LY75: variants seen among roughly 807,000 people sequenced by gnomAD.
LY75 encodes lymphocyte antigen 75.
LY75 carries 185 observed loss-of-function variants against 231.7 expected under a neutral mutation model. That is an observed-to-expected ratio of 0.80 (90% CI 0.71 to 0.90). The LOEUF is 0.90. LY75 is among the 40% of genes least tolerant of loss of function. The pLI is 0.00. For synonymous variants in LY75, 668 were observed against 689.0 expected, an observed-to-expected ratio of 0.97 and a Z score of 0.48; for missense variants, 1,947 against 2,050.2, an observed-to-expected ratio of 0.95 and a Z score of 0.97.
intron 33 of LY75, 172 bp downstream of exon 33, chr2:159,808,277 C>G (rs1027211333): frequency 1.2e-6 from 1 of 805,554 alleles, no homozygotes; most frequent in African/African-American, 1.9e-5. Context: ...TAAGTTAACT[C>G]ATGGATTCAT....
intron 15 of LY75, among the ~76,000 whole-genome samples, chr2:159,858,921 T>C (rs1012111738): frequency 6.6e-6 from 1 of 152,098 alleles, no homozygotes; most frequent in African/African-American, 2.4e-5. Context: ...AGTCAGCAAG[T>C]AGGATAAAAA....
intron 1 of LY75, among the ~76,000 whole-genome samples, chr2:159,899,271 G>A (rs375055123): frequency 1.3e-5 from 2 of 152,156 alleles, no homozygotes; most frequent in African/African-American, 4.8e-5. Flanking sequence ...GAGCCAGTCC[G>A]CCTGGGTCCA....
intron 22 of LY75, 47 bp downstream of exon 22, chr2:159,850,315 C>T (rs916466749): frequency 1.9e-6 from 3 of 1,602,468 alleles, no homozygotes; most frequent in African/African-American, 2.7e-5. Context: ...TAAAACTAAC[C>T]TGGCCCCAGA....
At chr2:159,893,617 G>A (rs931789747) in intron 3 of LY75, among the ~76,000 whole-genome samples, 2 of 152,024 alleles carry the variant, frequency 1.3e-5, no homozygotes, top group Admixed American at 6.6e-5. Flanking sequence ...AACTACTAAA[G>A]GTCAGCAGCA....
intron 3 of LY75, 48 bp from the exon 4 acceptor site, chr2:159,890,425 T>G (rs373673532): frequency 2.6e-4 from 421 of 1,605,310 alleles, no homozygotes; most frequent in Non-Finnish European, 3.4e-4. Flanking sequence ...ACATAATGTT[T>G]TCTATTACTT....
intron 14 of LY75, among the ~76,000 whole-genome samples, chr2:159,864,352 C>G (rs1307491632): frequency 6.6e-6 from 1 of 152,046 alleles, no homozygotes; most frequent in Non-Finnish European, 1.5e-5. Flanking sequence ...GTGTTTTCTC[C>G]TAGTAGTTTC....
chr2:159,837,258 G>C lies in LY75; in HGVS notation c.3508-1613C>G, dbSNP rs1305762787. ...TCAATCTAGATGTCCATCAGCAGTGGATTGGATCAAGAAGATGTAGCACAT... is the reference window on the plus strand; with the variant it reads ...TCAATCTAGATGTCCATCAGCAGTGCATTGGATCAAGAAGATGTAGCACAT... On this transcript the variant is annotated intron_variant, in intron 25 of 34. Transcript: ENST00000263636. Among the ~76,000 whole-genome samples, 100 of 152,200 alleles carry C rather than the reference G, an allele frequency of 6.6e-4. 1 individual carries two copies. Among genetic ancestry groups the C allele is most frequent in the Non-Finnish European group, 5.9e-5 (4 of 68,040 alleles).
Position 159,854,416 on chromosome 2 carries a change from G to C in LY75, c.2539C>G (p.Leu847Val). The change falls in exon 18 of 35, where the codon CTT becomes GTT. Residue 847 changes from leucine (L) to valine (V), a missense_variant. Physicochemically the swap from Leu to Val is conservative, Grantham distance 32. Transcript: ENST00000263636. Reference sequence around the variant, plus strand: ...CCCACAAAAGATGTTATAGTTGCAAGAAAGCTGTGATTGCTGGCACAGTAC... The same window carrying C: ...CCCACAAAAGATGTTATAGTTGCAACAAAGCTGTGATTGCTGGCACAGTAC... ...VLYCASNHSF[L>V]ATITSFVGLK... 1.3e-6 allele frequency: 2 copies of C among 1,558,630 alleles called. No individual in the cohort carries two copies. The highest frequency in any genetic ancestry group is 2.5e-5 in the South Asian group (2 of 81,264).
chr2:159,809,685 T>A (rs1239427766), intron 32 of LY75, among the ~76,000 whole-genome samples: 1 of 151,808 alleles, frequency 6.6e-6, no homozygotes, highest in Non-Finnish European at 1.5e-5. Context: ...TTTATTTATT[T>A]ATTTATTTTT....
chr2:159,871,155 A>C (rs1285581204), intron 13 of LY75, among the ~76,000 whole-genome samples: 6 of 152,150 alleles, frequency 3.9e-5, no homozygotes, highest in African/African-American at 1.4e-4. Flanking sequence ...TTTACATATT[A>C]GTTATATTTA....
chr2:159,848,186 G>A (rs913642809), intron 23 of LY75, among the ~76,000 whole-genome samples: 2 of 150,578 alleles, frequency 1.3e-5, no homozygotes, highest in African/African-American at 4.9e-5. Context: ...ATATATGTAT[G>A]TATGTATATA....
chr2:159,853,490 G>T, intron 19 of LY75, 138 bp from the exon 20 acceptor site: 1 of 1,463,474 alleles, frequency 6.8e-7, no homozygotes, highest in Non-Finnish European at 9.3e-7. Context: ...ATGCTAACAT[G>T]CAAAAGGGCT....
At chr2:159,855,915 A>C (rs1212362031) in intron 16 of LY75, among the ~76,000 whole-genome samples, 1 of 152,238 alleles carries the variant, frequency 6.6e-6, no homozygotes, top group Non-Finnish European at 1.5e-5. Context: ...AGGCATCAGA[A>C]GACCTGACTC....
intron 15 of LY75, among the ~76,000 whole-genome samples, chr2:159,860,259 T>A (rs530235092): frequency 6.6e-6 from 1 of 152,316 alleles, no homozygotes; most frequent in East Asian, 1.9e-4. Context: ...TGACCCTCCC[T>A]ACTCAGAAAC....
At position 159,872,564 on chromosome 2, in the gene LY75, CTT is replaced by C. The variant is rs1300102229; in HGVS notation, c.2002_2003del (p.Lys668GlufsTer7). ...ATCGTTCAGCTTCTTCCCAGTTCCT[CTT>C]TCTTACAATTCTTTCTGCATGGAAT... ...KVFHAERIVR[K>X]RNWEEAERFC... On this transcript the variant is annotated frameshift_variant, in exon 13 of 35. Coordinates refer to ENST00000263636, the MANE Select transcript of LY75 (RefSeq NM_002349.4). LOFTEE classifies it high-confidence loss of function. 6.2e-7 allele frequency: 1 copy of C among 1,613,680 alleles called. No homozygotes were observed. Among genetic ancestry groups the C allele is most frequent in the African/African-American group, 1.3e-5 (1 of 74,874 alleles).
rs1194070522 is a variant in LY75 at position 159,804,038 on chromosome 2, A to T, written c.*1006T>A. Reference sequence around the variant, plus strand: ...CAAAGCACACTGCTACAAGGTACCTACTCAATCTAAAAATAATGTTCCCAC... The same window carrying T: ...CAAAGCACACTGCTACAAGGTACCTTCTCAATCTAAAAATAATGTTCCCAC... On this transcript the variant is annotated 3_prime_UTR_variant, in exon 35 of 35. Transcript: ENST00000263636. 1 of 152,208 alleles carries T rather than the reference A, an allele frequency of 6.6e-6. No individual in the cohort carries two copies. Among genetic ancestry groups the T allele is most frequent in the Non-Finnish European group, 1.5e-5 (1 of 68,034 alleles). The allele number at this position is 152,208 out of a possible 1,614,324, so 9.4% of individuals were successfully genotyped here.
intron 34 of LY75, 81 bp downstream of exon 34, chr2:159,806,892 G>A: frequency 6.7e-7 from 1 of 1,483,198 alleles, no homozygotes; most frequent in Non-Finnish European, 9.0e-7. Flanking sequence ...ACTAAATACA[G>A]AATTTTGTAC....
chr2:159,852,091 GCAGAGTCTATTT>G, intron 21 of LY75, 98 bp downstream of exon 21: 1 of 1,419,336 alleles, frequency 7.0e-7, no homozygotes, highest in Admixed American at 2.4e-5. Context: ...CCTGAAACAT[GCAGAGTCTATTT>G]CAGTGATGTT....
At chr2:159,853,491 C>A (rs1684463703) in intron 19 of LY75, 139 bp from the exon 20 acceptor site, 4 of 1,469,162 alleles carry the variant, frequency 2.7e-6, no homozygotes, top group African/African-American at 1.4e-5. Flanking sequence ...TGCTAACATG[C>A]AAAAGGGCTT....
Sources: allele counts gnomAD v4.1 joint callset (sites outside exome capture counted in the v4.1 genomes callset), GRCh38; gene constraint gnomAD v4.1.1; transcripts MANE v1.5; gene names NCBI Gene and HGNC (gene_info 2026-07-23, HGNC 2026-07-21).